LPP: variants seen among roughly 807,000 people sequenced by gnomAD.
LPP encodes LIM domain containing preferred translocation partner in lipoma, also known as lipoma-preferred partner.
LPP carries 38 observed loss-of-function variants against 60.4 expected under a neutral mutation model. The ratio of observed to expected loss-of-function variants is 0.63; its 90% confidence interval spans 0.49 to 0.83. LPP has a LOEUF of 0.83. LPP is among the 40% of genes least tolerant of loss of function. The pLI is 0.00. For missense variants in LPP, 902 were observed against 783.6 expected, an observed-to-expected ratio of 1.15 and a Z score of -1.80; for synonymous variants, 328 against 290.8, an observed-to-expected ratio of 1.13 and a Z score of -1.30.
intron 2 of LPP, among the ~76,000 whole-genome samples, chr3:188,250,264 TTTACAA>T (rs1728665155): frequency 6.6e-6 from 1 of 152,206 alleles, no homozygotes; most frequent in Non-Finnish European, 1.5e-5. Flanking sequence ...GTTCTCCCCC[TTTACAA>T]TTATAGTATT....
intron 4 of LPP, among the ~76,000 whole-genome samples, chr3:188,442,467 G>A (rs1428745160): frequency 6.6e-6 from 1 of 152,172 alleles, no homozygotes; most frequent in Non-Finnish European, 1.5e-5. Context: ...TATTTTCTCT[G>A]TTCTCATCAC....
chr3:188,510,008 C>A (rs1814974212), intron 5 of LPP, among the ~76,000 whole-genome samples: 1 of 151,712 alleles, frequency 6.6e-6, no homozygotes. Context: ...TGAGCCACTG[C>A]ACCGGGCCTG....
intron 9 of LPP, among the ~76,000 whole-genome samples, chr3:188,799,328 C>T (rs1746301051): frequency 1.3e-5 from 2 of 152,156 alleles, no homozygotes; most frequent in East Asian, 1.9e-4. Flanking sequence ...TTTACATTCG[C>T]GATGGGTACA....
chr3:188,153,708 TCC>T (rs1042955514), upstream of LPP: 2 of 152,198 alleles, frequency 1.3e-5, no homozygotes, highest in Non-Finnish European at 2.9e-5. Context: ...GGGTTTCCCC[TCC>T]CCCGCCAGGC....
At chr3:188,377,741 G>C (rs1157918642) in intron 3 of LPP, among the ~76,000 whole-genome samples, 1 of 152,130 alleles carries the variant, frequency 6.6e-6, no homozygotes, top group Non-Finnish European at 1.5e-5. Context: ...TTATTCCATT[G>C]CTGGTGAGGA....
intron 5 of LPP, among the ~76,000 whole-genome samples, chr3:188,491,534 G>T: frequency 6.6e-6 from 1 of 152,148 alleles, no homozygotes. Flanking sequence ...TTTGTAGCTT[G>T]TTTGTGACCC....
chr3:188,607,248 A>G (rs1454541453), intron 6 of LPP, among the ~76,000 whole-genome samples: 3 of 150,422 alleles, frequency 2.0e-5, no homozygotes, highest in African/African-American at 7.3e-5. Context: ...GAAATACCTC[A>G]CTATTAGAGC....
intron 4 of LPP, among the ~76,000 whole-genome samples, chr3:188,463,083 A>G (rs1277026911): frequency 2.0e-5 from 3 of 152,178 alleles, no homozygotes; most frequent in Non-Finnish European, 2.9e-5. Context: ...CCTGCCTGGG[A>G]GGCAGAGCAA....
At chr3:188,347,420 T>A (rs1376623024) in intron 3 of LPP, among the ~76,000 whole-genome samples, 2 of 152,202 alleles carry the variant, frequency 1.3e-5, no homozygotes, top group African/African-American at 4.8e-5. Context: ...CATAACTCAG[T>A]TTTTTTCTTG....
At chr3:188,466,814 T>C (rs1256189367) in intron 4 of LPP, among the ~76,000 whole-genome samples, 1 of 108,868 alleles carries the variant, frequency 9.2e-6, no homozygotes, top group African/African-American at 3.5e-5. Context: ...AACATATATA[T>C]ATATATATAT....
chr3:188,406,295 A>G lies in LPP; in HGVS notation c.175A>G (p.Lys59Glu). 1 of 1,614,050 alleles carries G rather than the reference A, an allele frequency of 6.2e-7. No individual in the cohort carries two copies. Among genetic ancestry groups the G allele is most frequent in the Non-Finnish European group, 8.5e-7 (1 of 1,179,958 alleles). Reference protein sequence around the residue: ...VAPKPKYNPYKQPGGEGDFLP... With the variant: ...VAPKPKYNPYEQPGGEGDFLP... Reference sequence around the variant, plus strand: ...TCCAAAACCTAAGTACAACCCATACAAACAACCTGGAGGTGAGGGTAAGTG... The same window carrying G: ...TCCAAAACCTAAGTACAACCCATACGAACAACCTGGAGGTGAGGGTAAGTG... Residue 59 changes from lysine (K) to glutamate (E), a missense_variant, in exon 4 of 12, where the codon AAA becomes GAA. Physicochemically the swap from Lys to Glu is moderately conservative, Grantham distance 56 (BLOSUM62 1). Coordinates refer to ENST00000617246, the MANE Select transcript of LPP (RefSeq NM_001375462.1).
chr3:188,809,068 T>C (rs1750068728), intron 9 of LPP, among the ~76,000 whole-genome samples: 1 of 152,204 alleles, frequency 6.6e-6, no homozygotes, highest in South Asian at 2.1e-4. Flanking sequence ...ACATTTTCTT[T>C]ATCCAGTCTA....
chr3:188,672,660 G>A (rs1054638622), intron 7 of LPP, among the ~76,000 whole-genome samples: 4 of 152,194 alleles, frequency 2.6e-5, no homozygotes, highest in African/African-American at 9.6e-5. Flanking sequence ...AGCAGAATAA[G>A]CTGTCTGTGC....
intron 4 of LPP, among the ~76,000 whole-genome samples, chr3:188,481,450 C>T (rs1410908786): frequency 3.3e-5 from 5 of 152,174 alleles, no homozygotes; most frequent in Non-Finnish European, 7.3e-5. Flanking sequence ...TAGAATCCAT[C>T]TTTTCAAGTT....
intron 9 of LPP, among the ~76,000 whole-genome samples, chr3:188,769,875 C>T (rs1417121033): frequency 2.0e-5 from 3 of 152,178 alleles, no homozygotes; most frequent in African/African-American, 7.2e-5. Flanking sequence ...AATGAAGGGT[C>T]TCAGATTTCC....
rs1769661970 is a variant in LPP at position 188,879,424 on chromosome 3, G to A, written c.*4945G>A. ...AGGGGAAGGCTACCAGAAAATATAT[G>A]TGGCATCCATAAAATCTTCTTTTAT... On this transcript the variant is annotated 3_prime_UTR_variant, in exon 12 of 12. Transcript: ENST00000617246. 1 of 212,136 alleles carries A rather than the reference G, an allele frequency of 4.7e-6. No homozygotes were observed. The highest frequency in any genetic ancestry group is 5.9e-5 in the Admixed American group (1 of 17,046). The allele number at this position is 212,136 out of a possible 1,614,324, so 13.1% of individuals were successfully genotyped here.
intron 9 of LPP, among the ~76,000 whole-genome samples, chr3:188,797,204 C>A (rs1394500398): frequency 6.6e-6 from 1 of 152,018 alleles, no homozygotes; most frequent in East Asian, 1.9e-4. Context: ...TTACTCTAGG[C>A]TCTGGTAACC....
intron 2 of LPP, chr3:188,239,723 A>G (rs190784633): frequency 4.6e-6 from 1 of 217,260 alleles, no homozygotes; most frequent in Non-Finnish European, 9.3e-6. Flanking sequence ...TAGCCTGGAA[A>G]TAAACAAATA....
In LPP at chr3:188,672,105, A is replaced by G. The variant is rs539654624; in HGVS notation, c.1114-36162A>G. Among the ~76,000 whole-genome samples the G allele has an allele frequency of 3.3e-5, 5 of 152,328 alleles. No homozygotes were observed. In the South Asian group the frequency reaches 8.3e-4, roughly 25 times the overall value. The stretch of plus-strand genomic sequence containing the variant: ...GCTCACACTTGAGGTATCAAACTGA[A>G]CAAGTCTGAACTGACTGCGTAAGAA... On this transcript the variant is annotated intron_variant, in intron 7 of 11. Transcript: ENST00000617246.
Sources: gnomAD v4.1 joint callset for allele counts (sites outside exome capture counted in the v4.1 genomes callset) on GRCh38, gnomAD v4.1.1 for gene constraint, MANE v1.5 for transcripts, NCBI Gene and HGNC (gene_info 2026-07-23, HGNC 2026-07-21) for gene names.